BCR: variants seen among roughly 807,000 people sequenced by gnomAD.
The protein encoded by BCR is BCR activator of RhoGEF and GTPase.
A neutral mutation model predicts 138.6 loss-of-function variants in BCR; 58 were observed. That is an observed-to-expected ratio of 0.42 (90% confidence interval 0.34 to 0.52). BCR has a LOEUF of 0.52. Ranked by LOEUF, BCR falls within the 20% of genes least tolerant of loss-of-function variation. BCR has a pLI of 0.06. For missense variants in BCR, 1,599 were observed against 1,727.2 expected (o/e 0.93, Z 1.32); for synonymous variants, 786 against 730.1 (o/e 1.08, Z -1.23).
intron 1 of BCR, among the ~76,000 whole-genome samples, chr22:23,183,266 CTT>C (rs998186740): frequency 6.6e-6 from 1 of 152,176 alleles, no homozygotes; most frequent in African/African-American, 2.4e-5. Flanking sequence ...TGTCGGGAAT[CTT>C]TTGGAGTCCT....
intron 4 of BCR, chr22:23,264,145 G>C: frequency 6.6e-7 from 1 of 1,515,824 alleles, no homozygotes; most frequent in African/African-American, 1.4e-5. Flanking sequence ...ACCCTGTACT[G>C]CCTGCAGACA....
intron 1 of BCR, among the ~76,000 whole-genome samples, chr22:23,204,820 C>T (rs1334535268): frequency 1.3e-5 from 2 of 152,132 alleles, no homozygotes; most frequent in Non-Finnish European, 2.9e-5. Flanking sequence ...GAGACGGCAG[C>T]ATGGGGGTGT....
chr22:23,246,461 A>C (rs1332752220), intron 1 of BCR, among the ~76,000 whole-genome samples: 1 of 152,074 alleles, frequency 6.6e-6, no homozygotes, highest in Non-Finnish European at 1.5e-5. Flanking sequence ...TTCTGGTACA[A>C]GTTTTTGTTT....
At chr22:23,268,845 GCTGACTTTGTAC>G (rs2073476266) in intron 5 of BCR, among the ~76,000 whole-genome samples, 1 of 152,240 alleles carries the variant, frequency 6.6e-6, no homozygotes, top group African/African-American at 2.4e-5. Flanking sequence ...GAGTCCTGAG[GCTGACTTTGTAC>G]CTGGCACTGG....
At position 23,229,425 on chromosome 22, in the gene BCR, G is replaced by A. The variant is rs2072928946; in HGVS notation, c.1280-24374G>A. On this transcript the variant is annotated intron_variant, in intron 1 of 22. Transcript: ENST00000305877. ...TCAAGTAATTTTGGGTTATATCCTG[G>A]ACATCTTGAGTGTAATATTATGAGA... is the stretch of plus-strand genomic sequence containing the variant. Among the ~76,000 whole-genome samples the A allele has an allele frequency of 2.0e-5, 3 of 152,058 alleles. No homozygotes were observed. In the South Asian group the frequency reaches 6.2e-4, roughly 32 times the overall value.
At position 23,295,033 on chromosome 22, in the gene BCR, A is replaced by T; in HGVS notation, c.2890A>T (p.Ile964Leu). The T allele has an allele frequency of 6.2e-7, 1 of 1,613,984 alleles. No individual in the cohort carries two copies. Among genetic ancestry groups the T allele is most frequent in the Non-Finnish European group, 8.5e-7 (1 of 1,179,938 alleles). The part of the protein sequence containing the change: ...AEPNWNEEFE[I>L]ELEGSQTLRI... ...TCCCTTGGGGCTGCAGGAATTTGAG[A>T]TAGAGCTGGAGGGCTCCCAGACCCT... Residue 964 changes from isoleucine to leucine, a missense_variant, in exon 16 of 23, where the codon ATA becomes TTA. By Grantham distance (5) the Ile-to-Leu change is conservative. Coordinates refer to ENST00000305877, the MANE Select transcript of BCR (RefSeq NM_004327.4).
intron 1 of BCR, among the ~76,000 whole-genome samples, chr22:23,237,063 C>T (rs963657176): frequency 6.6e-5 from 10 of 152,330 alleles, no homozygotes; most frequent in Admixed American, 6.5e-4. Context: ...CCACGGTTCT[C>T]CCAGGATCGT....
At chr22:23,284,404 T>C (rs1486116100) in intron 9 of BCR, among the ~76,000 whole-genome samples, 1 of 152,024 alleles carries the variant, frequency 6.6e-6, no homozygotes, top group Non-Finnish European at 1.5e-5. Context: ...CAGGCAGTGC[T>C]GGGTGGTGGC....
intron 8 of BCR, among the ~76,000 whole-genome samples, chr22:23,277,309 C>T (rs749342812): frequency 2.6e-5 from 4 of 152,222 alleles, no homozygotes; most frequent in Admixed American, 6.5e-5. Flanking sequence ...CCCAGTCACA[C>T]AGCCACTAAG....
Position 23,315,840 on chromosome 22 carries a change from G to A in BCR, c.*318G>A, listed in dbSNP as rs934204402. 1 of 450,962 alleles carries A rather than the reference G, an allele frequency of 2.2e-6. No homozygotes were observed. Among genetic ancestry groups the A allele is most frequent in the Non-Finnish European group, 4.2e-6 (1 of 239,286 alleles). The allele number at this position is 450,962 out of a possible 1,614,324, so 27.9% of individuals were successfully genotyped here. A position where few individuals can be genotyped will look rare whatever the true frequency, so the allele number is the denominator to read the frequency against. ...GAGTGGTTTTTATGAACTTAACTTA[G>A]AGTCTAAAAGATTTCTACTGGATCA... is the stretch of plus-strand genomic sequence containing the variant. On this transcript the variant is annotated 3_prime_UTR_variant, in exon 23 of 23. Transcript: ENST00000305877.
intron 8 of BCR, among the ~76,000 whole-genome samples, chr22:23,281,989 A>G (rs926774766): frequency 5.3e-5 from 8 of 152,320 alleles, no homozygotes; most frequent in Non-Finnish European, 1.0e-4. Context: ...TGAGCTGAGC[A>G]TGGGGTGCCC....
intron 1 of BCR, among the ~76,000 whole-genome samples, chr22:23,183,971 G>A (rs571947661): frequency 6.6e-6 from 1 of 152,344 alleles, no homozygotes; most frequent in Non-Finnish European, 1.5e-5. Flanking sequence ...AATGGCTGAG[G>A]AGGTAATTTT....
chr22:23,293,932 G>A (rs1317274779), intron 15 of BCR, among the ~76,000 whole-genome samples: 7 of 152,100 alleles, frequency 4.6e-5, no homozygotes, highest in Non-Finnish European at 8.8e-5. Context: ...TTCACCAACA[G>A]CACCGTCAGG....
At chr22:23,227,095 T>C (rs781085515) in intron 1 of BCR, among the ~76,000 whole-genome samples, 1 of 152,030 alleles carries the variant, frequency 6.6e-6, no homozygotes, top group Non-Finnish European at 1.5e-5. Context: ...ACCATGCAAA[T>C]ATGGAGCTGC....
chr22:23,240,311 G>T (rs2073074546), intron 1 of BCR, among the ~76,000 whole-genome samples: 1 of 142,774 alleles, frequency 7.0e-6, no homozygotes, highest in Non-Finnish European at 1.5e-5. Flanking sequence ...TCGTGTGTGT[G>T]TGTGTGTGTG....
chr22:23,264,217 G>T lies in BCR; in HGVS notation c.1752+2677G>T. 1.0e-5 allele frequency: 11 copies of T among 1,103,156 alleles called. No individual in the cohort carries two copies. The South Asian group carries it at 1.4e-4, about 14-fold the overall frequency. 68.3% of individuals were successfully genotyped at this position (1,103,156 alleles called of 1,614,324 possible). ...TATAGCGTTGTACGGCTGTGGGACC[G>T]GCACCAAAGGGCCTGCCCGCACACC... is the stretch of plus-strand genomic sequence containing the variant. On this transcript the variant is annotated intron_variant, in intron 4 of 22. Transcript: ENST00000305877.
chr22:23,210,583 A>C (rs1346105050), intron 1 of BCR, among the ~76,000 whole-genome samples: 1 of 152,178 alleles, frequency 6.6e-6, no homozygotes, highest in African/African-American at 2.4e-5. Context: ...CATTACCTTC[A>C]TCAAGATACA....
chr22:23,190,256 C>T (rs28550289), intron 1 of BCR, among the ~76,000 whole-genome samples: 4,607 of 152,288 alleles, frequency 0.03, 248 homozygotes, highest in African/African-American at 0.11. Flanking sequence ...CAACCTCCAC[C>T]TCCCAGGTTC....
chr22:23,190,201 C>T (rs2072396269), intron 1 of BCR, among the ~76,000 whole-genome samples: 1 of 152,000 alleles, frequency 6.6e-6, no homozygotes, highest in African/African-American at 2.4e-5. Context: ...GAGTTTCACT[C>T]TTGTCACCCA....
Sources: allele counts gnomAD v4.1 joint callset (sites outside exome capture counted in the v4.1 genomes callset), GRCh38; gene constraint gnomAD v4.1.1; transcripts MANE v1.5; gene names NCBI Gene and HGNC (gene_info 2026-07-23, HGNC 2026-07-21).